AGO2: variants seen among roughly 807,000 people sequenced by gnomAD.
AGO2 encodes argonaute RISC catalytic component 2.
AGO2 carries 5 observed loss-of-function variants against 102.3 expected under a neutral mutation model. That is an observed-to-expected ratio of 0.05 (90% CI 0.03 to 0.10). The LOEUF (loss-of-function observed/expected upper bound fraction) is 0.10. Among genes scored for constraint, AGO2 ranks in the 10% least tolerant of loss-of-function variants. The pLI, the probability that AGO2 is intolerant of heterozygous loss-of-function variation, is 1.00. For synonymous variants in AGO2, 449 were observed against 473.1 expected, an observed-to-expected ratio of 0.95 and a Z score of 0.66; for missense variants, 541 against 1,183.7, an observed-to-expected ratio of 0.46 and a Z score of 7.97.
intron 6 of AGO2, among the ~76,000 whole-genome samples, chr8:140,558,919 GGA>G (rs1177511093): frequency 6.6e-6 from 1 of 152,206 alleles, no homozygotes; most frequent in Non-Finnish European, 1.5e-5. Flanking sequence ...CAGGGCTTGT[GGA>G]GCCAGGGGTG....
intron 2 of AGO2, among the ~76,000 whole-genome samples, chr8:140,577,419 T>C (rs2073484489): frequency 6.6e-6 from 1 of 152,212 alleles, no homozygotes; most frequent in Admixed American, 6.5e-5. Flanking sequence ...TGTTAGCATG[T>C]CCTATTGATT....
intron 1 of AGO2, among the ~76,000 whole-genome samples, chr8:140,627,872 C>T (rs11992872): frequency 4.8e-4 from 73 of 152,228 alleles, no homozygotes; most frequent in African/African-American, 1.6e-3. Context: ...TGTGGGACAC[C>T]CAACACGCGA....
intron 10 of AGO2, 184 bp downstream of exon 10, chr8:140,555,712 A>T: frequency 1.1e-6 from 1 of 869,808 alleles, no homozygotes; most frequent in Non-Finnish European, 1.7e-6. Flanking sequence ...AAAAACTTTA[A>T]AAAGGACCAA....
At chr8:140,638,452 A>G (rs147281561), upstream of AGO2, among the ~76,000 whole-genome samples, 1 of 152,322 alleles carries the variant, frequency 6.6e-6, no homozygotes, top group East Asian at 1.9e-4. Flanking sequence ...ACAGTATGCA[A>G]CCTGTCCCAA....
intron 1 of AGO2, among the ~76,000 whole-genome samples, chr8:140,620,846 C>G (rs1328512866): frequency 6.6e-6 from 1 of 152,094 alleles, no homozygotes; most frequent in African/African-American, 2.4e-5. Flanking sequence ...CAGAGTAAGA[C>G]CCTGTCCCCA....
At position 140,532,499 on chromosome 8, in the gene AGO2, G is replaced by C. The variant is rs372883732; in HGVS notation, c.2388C>G (p.Ser796=). The C allele has an allele frequency of 2.5e-6, 4 of 1,614,290 alleles. No homozygotes were observed. The highest frequency in any genetic ancestry group is 3.4e-6 in the Non-Finnish European group (4 of 1,180,054). The part of the protein sequence containing the change: ...LCHTYVRCTR[S]VSIPAPAYYA... The stretch of plus-strand genomic sequence containing the variant: ...AGTATGCTGGCGCTGGGATGGACAC[G>C]GAGCGTGTGCAGCGCACGTAGGTGT... Residue 796 remains serine (S), a synonymous_variant, in exon 18 of 19, where the codon TCC becomes TCG. Transcript: ENST00000220592.
chr8:140,588,654 G>T (rs1471565152), intron 1 of AGO2, among the ~76,000 whole-genome samples: 1 of 150,962 alleles, frequency 6.6e-6, no homozygotes, highest in East Asian at 2.0e-4. Context: ...GAGGAAAGGA[G>T]GGAGGGAGGG....
At chr8:140,600,792 CCT>C (rs2073922694) in intron 1 of AGO2, among the ~76,000 whole-genome samples, 1 of 152,054 alleles carries the variant, frequency 6.6e-6, no homozygotes, top group African/African-American at 2.4e-5. Context: ...TCCTATGTCC[CCT>C]CTCTCTGCTC....
chr8:140,607,656 A>G (rs1339684878), intron 1 of AGO2, among the ~76,000 whole-genome samples: 1 of 152,014 alleles, frequency 6.6e-6, no homozygotes, highest in Non-Finnish European at 1.5e-5. Context: ...GAACCTTTAG[A>G]GCATTGTTAG....
chr8:140,636,553 CG>C (rs2074410463), upstream of AGO2: 1 of 152,282 alleles, frequency 6.6e-6, no homozygotes, highest in Non-Finnish European at 1.5e-5. Context: ...TCCTTCACCC[CG>C]TGGCATCGGC....
intron 1 of AGO2, among the ~76,000 whole-genome samples, chr8:140,622,348 G>C (rs112564455): frequency 0.014 from 444 of 30,680 alleles, 25 homozygotes; most frequent in Admixed American, 0.05. Flanking sequence ...GGGGAATAAT[G>C]CACATGGGGT....
Position 140,593,304 on chromosome 8 carries a change from A to C in AGO2, c.23-7993T>G, listed in dbSNP as rs1377615777. On this transcript the variant is annotated intron_variant, in intron 1 of 18. Transcript: ENST00000220592. ...CCTCCTGGGTTCAAGTGATTCTCCC[A>C]CCTCAGCCTCCCGAGTAGCTGGGAT... 2.0e-5 allele frequency: 3 copies of C among 151,984 alleles called. No individual in the cohort carries two copies. The East Asian group carries it at 5.8e-4, about 29-fold the overall frequency. The allele number at this position is 151,984 out of a possible 1,614,324, so 9.4% of individuals were successfully genotyped here.
In AGO2 at chr8:140,567,247, T is replaced by C. The variant is rs1407121125; in HGVS notation, c.337-4613A>G. Among the ~76,000 whole-genome samples, 1 of 152,234 alleles carries C rather than the reference T, an allele frequency of 6.6e-6. No homozygotes were observed. Among genetic ancestry groups the C allele is most frequent in the African/African-American group, 2.4e-5 (1 of 41,466 alleles). ...CTATCTGCCCATCCCACGTCCACAG[T>C]GGCTGGCTGGTGCTCGTGTGTGGCA... On this transcript the variant is annotated intron_variant, in intron 3 of 18. Transcript: ENST00000220592. The surrounding 1 kb of genome is among the most constrained non-coding windows in gnomAD (Gnocchi z 5.0).
At chr8:140,604,234 G>T (rs1238086306) in intron 1 of AGO2, among the ~76,000 whole-genome samples, 1 of 152,204 alleles carries the variant, frequency 6.6e-6, no homozygotes. Context: ...TGTACTGTCG[G>T]AAAGTTAGAA....
intron 14 of AGO2, among the ~76,000 whole-genome samples, chr8:140,542,530 G>T (rs1480375851): frequency 5.3e-5 from 8 of 151,252 alleles, no homozygotes; most frequent in East Asian, 3.9e-4. Flanking sequence ...AGAATTGTGG[G>T]GATAGGGGAT....
At chr8:140,535,969 C>T (rs1219564958) in intron 16 of AGO2, among the ~76,000 whole-genome samples, 1 of 152,220 alleles carries the variant, frequency 6.6e-6, no homozygotes, top group Admixed American at 6.5e-5. Context: ...AAGCCATCAT[C>T]CAAGCACAAG....
intron 2 of AGO2, among the ~76,000 whole-genome samples, chr8:140,580,632 C>T (rs1370154729): frequency 3.3e-5 from 5 of 152,240 alleles, no homozygotes; most frequent in Non-Finnish European, 7.3e-5. Flanking sequence ...GCCACCACTG[C>T]ACCCCCAGGG....
At chr8:140,556,844 GGACACGTTAC>G (rs2073103883) in intron 8 of AGO2, among the ~76,000 whole-genome samples, 1 of 152,138 alleles carries the variant, frequency 6.6e-6, no homozygotes, top group African/African-American at 2.4e-5. Context: ...GGGGCCTGCT[GGACACGTTAC>G]ACACAACCTC....
At chr8:140,552,352 G>A (rs910904798) in intron 10 of AGO2, among the ~76,000 whole-genome samples, 1 of 152,226 alleles carries the variant, frequency 6.6e-6, no homozygotes, top group African/African-American at 2.4e-5. Flanking sequence ...GTCACCTAAG[G>A]AATCTCTGAA....
Sources: gnomAD v4.1 joint callset for allele counts (sites outside exome capture counted in the v4.1 genomes callset) on GRCh38, gnomAD v4.1.1 for gene constraint, Gnocchi (gnomAD v3.1) non-coding constraint, MANE v1.5 for transcripts, NCBI Gene and HGNC (gene_info 2026-07-23, HGNC 2026-07-21) for gene names.